The following GABRG2 variants were observed in gnomAD, a reference collection of about 807,000 sequenced individuals.
GABRG2 encodes the protein gamma-aminobutyric acid receptor subunit gamma-2.
GABRG2 carries 16 observed loss-of-function variants against 56.4 expected under a neutral mutation model. The observed-to-expected ratio is 0.28, with a 90% CI of 0.19 to 0.43. The LOEUF is 0.43. GABRG2 is among the 20% of genes least tolerant of loss of function. The probability of loss-of-function intolerance (pLI) is 1.00; values close to 1 mark genes in which losing one functional copy is unlikely to be tolerated. For synonymous variants in GABRG2, 208 were observed against 205.5 expected (o/e 1.01, Z -0.10); for missense variants, 327 against 582.7 (o/e 0.56, Z 4.52).
intron 6 of GABRG2, among the ~76,000 whole-genome samples, chr5:162,122,434 A>T (rs956876991): frequency 2.0e-5 from 3 of 151,882 alleles, no homozygotes; most frequent in Admixed American, 6.6e-5. Context: ...TACATTTAAA[A>T]AATTAAATGA....
intron 6 of GABRG2, among the ~76,000 whole-genome samples, chr5:162,135,434 G>A (rs1764051823): frequency 6.6e-6 from 1 of 152,142 alleles, no homozygotes; most frequent in South Asian, 2.1e-4. Flanking sequence ...CAGAGCTAAA[G>A]CATTTATTTA....
intron 1 of GABRG2, among the ~76,000 whole-genome samples, chr5:162,077,465 G>C (rs1759224776): frequency 6.6e-6 from 1 of 152,102 alleles, no homozygotes; most frequent in Admixed American, 6.5e-5. Flanking sequence ...TTGTACAAGT[G>C]TTGCTGTAGG....
At chr5:162,104,879 T>C (rs62381860) in intron 6 of GABRG2, among the ~76,000 whole-genome samples, 127 of 152,310 alleles carry the variant, frequency 8.3e-4, no homozygotes, top group Non-Finnish European at 1.2e-3. Context: ...AGACCAGATA[T>C]GTTTCTGTCT....
At chr5:162,131,862 T>C (rs1351888084) in intron 6 of GABRG2, among the ~76,000 whole-genome samples, 1 of 151,806 alleles carries the variant, frequency 6.6e-6, no homozygotes, top group African/African-American at 2.4e-5. Flanking sequence ...GGTCAAAATG[T>C]GGTGAGACAC....
rs575472257 is a variant in GABRG2, at chr5:162,081,202, T to C, written c.108-12626T>C. Among the ~76,000 whole-genome samples the C allele has an allele frequency of 3.9e-5, 6 of 152,176 alleles. No homozygotes were observed. In the South Asian group the frequency reaches 1.2e-3, roughly 32 times the overall value. Reference sequence around the variant, plus strand: ...GTACTAGTTCATTAATGAAATTTTATTTCTCCCAAAAAATTTTTTAAAATT... The same window carrying C: ...GTACTAGTTCATTAATGAAATTTTACTTCTCCCAAAAAATTTTTTAAAATT... On this transcript the variant is annotated intron_variant, in intron 1 of 9. Transcript: ENST00000639213.
chr5:162,115,353 G>T (rs1294591127), intron 6 of GABRG2, among the ~76,000 whole-genome samples: 2 of 152,110 alleles, frequency 1.3e-5, no homozygotes, highest in African/African-American at 4.8e-5. Flanking sequence ...GTGGGTATTT[G>T]CGTTCTCTAT....
At chr5:162,082,936 C>T (rs950566016) in intron 1 of GABRG2, among the ~76,000 whole-genome samples, 37 of 151,452 alleles carry the variant, frequency 2.4e-4, no homozygotes, top group Non-Finnish European at 2.8e-4. Flanking sequence ...TTGGCCATGA[C>T]CACGAGGGCA....
At position 162,149,190 on chromosome 5, in the gene GABRG2, G is replaced by A; in HGVS notation, c.1005G>A (p.Met335Ile). 6.2e-7 allele frequency: 1 copy of A among 1,614,058 alleles called. No individual in the cohort carries two copies. Among genetic ancestry groups the A allele is most frequent in the Non-Finnish European group, 8.5e-7 (1 of 1,180,010 alleles). The change falls in exon 8 of 10, where the codon ATG (methionine) becomes ATA (isoleucine). Residue 335 changes from methionine to isoleucine, a missense_variant. Around this residue, in one of 4 missense-constraint regions of GABRG2, gnomAD observed 42 missense variants for 156.9 expected, o/e 0.27. Coordinates refer to ENST00000639213, the MANE Select transcript of GABRG2 (RefSeq NM_198904.4). ...SLPKVSYVTAMDLFVSVCFIF... is the reference protein window; with the variant it reads ...SLPKVSYVTAIDLFVSVCFIF... ...CCAAGGTCTCCTATGTCACAGCGAT[G>A]GATCTCTTTGTATCTGTTTGTTTCA... is the stretch of plus-strand genomic sequence containing the variant.
intron 7 of GABRG2, among the ~76,000 whole-genome samples, chr5:162,145,613 T>A (rs922981718): frequency 4.6e-5 from 7 of 152,216 alleles, no homozygotes; most frequent in Non-Finnish European, 1.0e-4. Context: ...AGAGTCTACT[T>A]CTACATGGCT....
chr5:162,132,043 T>C (rs1763791627), intron 6 of GABRG2, among the ~76,000 whole-genome samples: 2 of 151,650 alleles, frequency 1.3e-5, no homozygotes, highest in Non-Finnish European at 3.0e-5. Context: ...ACAACAAATA[T>C]TGATTAATTA....
intron 1 of GABRG2, among the ~76,000 whole-genome samples, chr5:162,069,825 G>A (rs1007228576): frequency 2.0e-5 from 3 of 152,046 alleles, no homozygotes; most frequent in African/African-American, 7.2e-5. Flanking sequence ...GTTGTGGATA[G>A]CTATTAATTT....
intron 6 of GABRG2, among the ~76,000 whole-genome samples, chr5:162,122,730 A>G (rs1763058391): frequency 6.6e-6 from 1 of 151,748 alleles, no homozygotes; most frequent in Non-Finnish European, 1.5e-5. Flanking sequence ...TTCATCAGTA[A>G]ATATATTTAA....
At chr5:162,110,746 T>G (rs886737475) in intron 6 of GABRG2, among the ~76,000 whole-genome samples, 10 of 152,168 alleles carry the variant, frequency 6.6e-5, no homozygotes, top group African/African-American at 2.4e-4. Flanking sequence ...CTCCTGAGTC[T>G]CAGTGAGTTG....
At chr5:162,071,569 T>G (rs1398467360) in intron 1 of GABRG2, among the ~76,000 whole-genome samples, 1 of 151,956 alleles carries the variant, frequency 6.6e-6, no homozygotes, top group East Asian at 1.9e-4. Flanking sequence ...AAGATGCTTT[T>G]GATGATGTTT....
chr5:162,067,817 C>T lies in GABRG2; in HGVS notation c.-183C>T. On this transcript the variant is annotated 5_prime_UTR_variant, in exon 1 of 10. Coordinates refer to ENST00000639213, the MANE Select transcript of GABRG2 (RefSeq NM_198904.4). Reference sequence around the variant, plus strand: ...GGTATCTGCAAGCGTTTTTGCTGATCTTATCTCTGCCCCCTGAATATTAAT... The same window carrying T: ...GGTATCTGCAAGCGTTTTTGCTGATTTTATCTCTGCCCCCTGAATATTAAT... 1 of 627,392 alleles carries T rather than the reference C, an allele frequency of 1.6e-6. No homozygotes were observed. The highest frequency in any genetic ancestry group is 2.8e-6 in the Non-Finnish European group (1 of 355,040). The allele number at this position is 627,392 out of a possible 1,614,324, so 38.9% of individuals were successfully genotyped here.
At chr5:162,093,493 A>AAC (rs756087562) in intron 1 of GABRG2, among the ~76,000 whole-genome samples, 2 of 152,122 alleles carry the variant, frequency 1.3e-5, no homozygotes, top group African/African-American at 2.4e-5. Flanking sequence ...ATGATCCTTT[A>AAC]ACCTCCATTT....
intron 6 of GABRG2, among the ~76,000 whole-genome samples, chr5:162,122,087 A>G (rs1763015918): frequency 6.6e-6 from 1 of 152,038 alleles, no homozygotes; most frequent in Admixed American, 6.6e-5. Context: ...AATTTGTGAA[A>G]TTGGAAGAGT....
chr5:162,069,244 G>A (rs1229014611), intron 1 of GABRG2, among the ~76,000 whole-genome samples: 2 of 152,186 alleles, frequency 1.3e-5, no homozygotes, highest in Admixed American at 6.5e-5. Context: ...AGCCATGTTA[G>A]AGGTCCACTA....
chr5:162,112,501 A>G (rs1318646585), intron 6 of GABRG2, among the ~76,000 whole-genome samples: 1 of 152,156 alleles, frequency 6.6e-6, no homozygotes, highest in East Asian at 1.9e-4. Context: ...GATTACTTTT[A>G]CCCTATTTGA....
Sources: gnomAD v4.1 joint callset for allele counts (sites outside exome capture counted in the v4.1 genomes callset) on GRCh38, gnomAD v4.1.1 for gene constraint, gnomAD v4.1.1 regional missense constraint, MANE v1.5 for transcripts, NCBI Gene and HGNC (gene_info 2026-07-23, HGNC 2026-07-21) for gene names.